Variants in ZNF518A observed in about 807,000 individuals in gnomAD.
ZNF518A encodes the protein zinc finger protein 518.
In ZNF518A, 47 loss-of-function variants were observed where a neutral mutation model predicts 102.7. The ratio of observed to expected loss-of-function variants is 0.46; its 90% confidence interval spans 0.36 to 0.58. The LOEUF (loss-of-function observed/expected upper bound fraction) is 0.58, where lower values mean the gene tolerates loss of function less well. Among genes scored for constraint, ZNF518A ranks in the 20% least tolerant of loss-of-function variants. The pLI, the probability that ZNF518A is intolerant of heterozygous loss-of-function variation, is 0.00. For missense variants in ZNF518A, 1,793 were observed against 1,699.8 expected (o/e 1.05, Z -0.96); for synonymous variants, 652 against 594.6 (o/e 1.10, Z -1.40).
In ZNF518A at chr10:96,162,795, AT is replaced by A. The variant is rs1469124870; in HGVS notation, c.*2025del. ...AAATTTTGTTCTCTAGGAAATACAG[AT>A]TTTAAAGTGTATGTGTTTTTTCAAT... On this transcript the variant is annotated 3_prime_UTR_variant, in exon 6 of 6. Transcript: ENST00000316045. The A allele has an allele frequency of 1.2e-5, 2 of 166,698 alleles. No homozygotes were observed. The highest frequency in any genetic ancestry group is 4.8e-5 in the African/African-American group (2 of 41,468). The allele number at this position is 166,698 out of a possible 1,614,324, so 10.3% of individuals were successfully genotyped here.
intron 3 of ZNF518A, among the ~76,000 whole-genome samples, chr10:96,147,237 A>G (rs992111435): frequency 9.9e-5 from 15 of 152,188 alleles, no homozygotes; most frequent in African/African-American, 3.4e-4. Flanking sequence ...ATTCTGTCCA[A>G]TGGTTGAAAA....
At chr10:96,136,541 T>G (rs2081607471) in intron 3 of ZNF518A, among the ~76,000 whole-genome samples, 1 of 151,878 alleles carries the variant, frequency 6.6e-6, no homozygotes, top group Non-Finnish European at 1.5e-5. Flanking sequence ...ATGTGGCTTT[T>G]TAATGAGCTG....
chr10:96,191,233 C>A (rs1458635594), intron 1 of ZNF518A, among the ~76,000 whole-genome samples: 6 of 106,610 alleles, frequency 5.6e-5, no homozygotes, highest in Non-Finnish European at 1.2e-4. Context: ...TCCATTAAAC[C>A]TCTTTTTTTT....
In ZNF518A at chr10:96,159,079, T is replaced by G; in HGVS notation, c.2757T>G (p.Ser919Arg). ...ATTTAGGTTCTTTTTATATGCAGAG[T>G]CCACTTTTAAATTCAGAACAAAAAA... The part of the protein sequence containing the change: ...TQNLGSFYMQ[S>R]PLLNSEQKKT... The change falls in exon 6 of 6, where the codon AGT becomes AGG. Residue 919 changes from serine to arginine, a missense_variant. By Grantham distance (110) the Ser-to-Arg change is moderately radical. Coordinates refer to ENST00000316045, the MANE Select transcript of ZNF518A (RefSeq NM_001330736.2). The G allele has an allele frequency of 6.2e-7, 1 of 1,612,872 alleles. No homozygotes were observed. Among genetic ancestry groups the G allele is most frequent in the Non-Finnish European group, 8.5e-7 (1 of 1,179,582 alleles).
At position 96,157,104 on chromosome 10, in the gene ZNF518A, CCTT is replaced by C. The variant is rs1554883021; in HGVS notation, c.784_786del (p.Phe262del). On this transcript the variant is annotated inframe_deletion, in exon 6 of 6. Coordinates refer to ENST00000316045, the MANE Select transcript of ZNF518A (RefSeq NM_001330736.2). ...CTTCATATTCATTCTGGTACTTTTC[CCTT>C]CACTTGTCAATATTGTAGCTATGGT... 1.2e-6 allele frequency: 2 copies of C among 1,613,728 alleles called. No homozygotes were observed. Among genetic ancestry groups the C allele is most frequent in the Non-Finnish European group, 1.7e-6 (2 of 1,179,772 alleles).
Position 96,200,637 on chromosome 10 carries a change from C to G in ZNF518A, n.36-2937C>G, listed in dbSNP as rs1223773835. Among the ~76,000 whole-genome samples the G allele has an allele frequency of 6.6e-6, 1 of 152,116 alleles. No individual in the cohort carries two copies. On this transcript the variant is annotated intron_variant and non_coding_transcript_variant, in intron 1 of 2. Transcript: ENST00000442635. This position sits in a 1 kb window ranked among gnomAD's most constrained non-coding sequence, Gnocchi z 4.3. The stretch of plus-strand genomic sequence containing the variant: ...GGGCACACAGAGTCCTTTCTCTGTC[C>G]CTTTATAAACTGTGCTGTCTTATAT...
rs1554888498 is a variant in ZNF518A, at chr10:96,162,317, T to C, written c.*1543T>C. 1 of 166,822 alleles carries C rather than the reference T, an allele frequency of 6.0e-6. No individual in the cohort carries two copies. The highest frequency in any genetic ancestry group is 1.5e-5 in the Non-Finnish European group (1 of 68,022). The allele number at this position is 166,822 out of a possible 1,614,324, so 10.3% of individuals were successfully genotyped here. On this transcript the variant is annotated 3_prime_UTR_variant, in exon 6 of 6. Coordinates refer to ENST00000316045, the MANE Select transcript of ZNF518A (RefSeq NM_001330736.2). ...TTTACCCATGTTATTTTCTTGGTTT[T>C]TATTTCAGATGTAGATTTTGTTTTT... is the stretch of plus-strand genomic sequence containing the variant.
chr10:96,157,514 A>G lies in ZNF518A; in HGVS notation c.1192A>G (p.Thr398Ala), dbSNP rs781842968. The change falls in exon 6 of 6, where the codon ACT becomes GCT. Residue 398 changes from threonine to alanine, a missense_variant. This residue lies in a region of ZNF518A where 1,741 missense variants were observed against 1,622.6 expected (regional missense o/e 1.07). Transcript: ENST00000316045. Reference protein sequence around the residue: ...SESEKPTPLSTGQGNRAEEGP... With the variant: ...SESEKPTPLSAGQGNRAEEGP... The stretch of plus-strand genomic sequence containing the variant: ...GTCAGAGAAGCCAACTCCTCTGTCC[A>G]CTGGGCAAGGTAATAGAGCTGAAGA... 6 of 1,613,876 alleles carry G rather than the reference A, an allele frequency of 3.7e-6. No individual in the cohort carries two copies. The highest frequency in any genetic ancestry group is 1.1e-5 in the South Asian group (1 of 91,082).
intron 1 of ZNF518A, chr10:96,199,550 G>A (rs782235928): frequency 4.4e-6 from 2 of 459,156 alleles, no homozygotes; most frequent in South Asian, 3.1e-5. Flanking sequence ...GAGATGAAAG[G>A]ACAAGTAGAA....
chr10:96,139,699 G>T (rs901238144), intron 3 of ZNF518A, among the ~76,000 whole-genome samples: 5 of 152,188 alleles, frequency 3.3e-5, no homozygotes, highest in African/African-American at 1.2e-4. Context: ...TTGCTCCTGT[G>T]TGGAGGATGG....
chr10:96,177,441 C>A (rs117536887), intron 1 of ZNF518A, among the ~76,000 whole-genome samples: 2,776 of 152,162 alleles, frequency 0.018, 118 homozygotes, highest in East Asian at 0.083. Context: ...GAATTAAGAG[C>A]ACTGGACTTT....
In ZNF518A at chr10:96,133,869, A is replaced by G. The variant is rs1216060920; in HGVS notation, c.-302+221A>G. Among the ~76,000 whole-genome samples the G allele has an allele frequency of 2.0e-5, 3 of 152,336 alleles. No individual in the cohort carries two copies. In the East Asian group the frequency reaches 5.8e-4, roughly 29 times the overall value. On this transcript the variant is annotated intron_variant, in intron 3 of 5. Coordinates refer to ENST00000316045, the MANE Select transcript of ZNF518A (RefSeq NM_001330736.2). ...TCAGAAAATAATGTACATTGAGTAG[A>G]GAGCAGTAGAGCTGAGTTGAGGTAC...
intron 3 of ZNF518A, among the ~76,000 whole-genome samples, chr10:96,142,102 C>G (rs1265973068): frequency 1.3e-5 from 2 of 152,158 alleles, no homozygotes; most frequent in Admixed American, 6.5e-5. Flanking sequence ...AAGGAGCTGG[C>G]TTTGGTTACA....
At chr10:96,168,872 G>T (rs1202428488) in intron 1 of ZNF518A, among the ~76,000 whole-genome samples, 2 of 152,172 alleles carry the variant, frequency 1.3e-5, no homozygotes, top group African/African-American at 4.8e-5. Context: ...GGAGATTCTG[G>T]AGCTTTGTAG....
rs917129327 is a variant in ZNF518A at position 96,156,503 on chromosome 10, G to A, written c.181G>A (p.Val61Ile). 1.9e-6 allele frequency: 3 copies of A among 1,610,488 alleles called. No individual in the cohort carries two copies. In the African/African-American group the frequency reaches 4.0e-5, roughly 22 times the overall value. ...DLPKINIPNE[V>I]LLKHEVDKYR... ...GCCAAAAATAAATATTCCAAATGAA[G>A]TCCTATTGAAACATGAAGTTGACAA... The change falls in exon 6 of 6, where the codon GTC (valine) becomes ATC (isoleucine). Residue 61 changes from valine (V) to isoleucine (I), a missense_variant. Physicochemically the swap from Val to Ile is conservative, Grantham distance 29. Around this residue, in one of 3 missense-constraint regions of ZNF518A, gnomAD observed 1,741 missense variants for 1,622.6 expected, o/e 1.07. Coordinates refer to ENST00000316045, the MANE Select transcript of ZNF518A (RefSeq NM_001330736.2).
chr10:96,157,859 CCATTTT>C lies in ZNF518A; in HGVS notation c.1541_1546del (p.Phe514_Ser515del). 1 of 1,613,814 alleles carries C rather than the reference CCATTTT, an allele frequency of 6.2e-7. No individual in the cohort carries two copies. Reference sequence around the variant, plus strand: ...CACAGTTTATATGAAAGCAGCTACTCCATTTTCATGTTCATCTTCTATACTTTCAGG... The same window carrying C: ...CACAGTTTATATGAAAGCAGCTACTCCATGTTCATCTTCTATACTTTCAGG... On this transcript the variant is annotated inframe_deletion, in exon 6 of 6. Coordinates refer to ENST00000316045, the MANE Select transcript of ZNF518A (RefSeq NM_001330736.2).
In ZNF518A at chr10:96,201,709, AAC is replaced by A. The variant is rs200490290; in HGVS notation, n.36-1863_36-1862del. 4.2e-3 allele frequency among the ~76,000 whole-genome samples: 615 copies of A among 145,082 alleles called. 6 individuals carry two copies. Among genetic ancestry groups the A allele is most frequent in the African/African-American group, 0.015 (572 of 39,404 alleles). On this transcript the variant is annotated intron_variant and non_coding_transcript_variant, in intron 1 of 2. Coordinates refer to the ZNF518A transcript ENST00000442635. ...AAAGAGTTTACAGTCTAAATGTGGA[AAC>A]ATGTGAAATACGAAAAAGACTTATC...
chr10:96,201,906 A>G (rs1400290139), intron 1 of ZNF518A, among the ~76,000 whole-genome samples: 3 of 152,204 alleles, frequency 2.0e-5, no homozygotes, highest in Non-Finnish European at 4.4e-5. Flanking sequence ...AAATATATAT[A>G]TAATGTTAGA....
At chr10:96,177,865 G>A (rs1414011647) in intron 1 of ZNF518A, among the ~76,000 whole-genome samples, 4 of 152,030 alleles carry the variant, frequency 2.6e-5, no homozygotes, top group Non-Finnish European at 5.9e-5. Flanking sequence ...AGAAAAAAAT[G>A]ATACTAGGGA....
Sources: gnomAD v4.1 joint callset for allele counts (sites outside exome capture counted in the v4.1 genomes callset) on GRCh38, gnomAD v4.1.1 for gene constraint, gnomAD v4.1.1 regional missense constraint, Gnocchi (gnomAD v3.1) non-coding constraint, MANE v1.5 for transcripts, NCBI Gene and HGNC (gene_info 2026-07-23, HGNC 2026-07-21) for gene names.